DBX2: variants seen among roughly 807,000 people sequenced by gnomAD.
DBX2 encodes the protein developing brain homeobox 2, also known as homeobox protein DBX2.
Under a neutral mutation model 17.7 loss-of-function variants are expected in DBX2, and 16 were observed. The observed-to-expected ratio is 0.90, with a 90% confidence interval of 0.61 to 1.37. The LOEUF is 1.37. Ranked by LOEUF, DBX2 falls within the 40% of genes most tolerant of loss-of-function variation. The pLI, the probability that DBX2 is intolerant of heterozygous loss-of-function variation, is 0.00. For synonymous variants in DBX2, 255 were observed against 183.8 expected, an observed-to-expected ratio of 1.39 and a Z score of -3.13; for missense variants, 538 against 433.8, an observed-to-expected ratio of 1.24 and a Z score of -2.13.
At chr12:45,036,158 G>C (rs762237857) in intron 1 of DBX2, 44 bp from the exon 2 acceptor site, 1 of 1,506,482 alleles carries the variant, frequency 6.6e-7, no homozygotes. Context: ...ATTTCTTTAA[G>C]ACAATATTCA....
At chr12:45,037,160 C>T (rs980770165) in intron 1 of DBX2, among the ~76,000 whole-genome samples, 7 of 152,144 alleles carry the variant, frequency 4.6e-5, no homozygotes, top group Admixed American at 1.3e-4. Flanking sequence ...TAGATGAGAA[C>T]AGCTATAAAG....
At chr12:45,037,239 T>C (rs931629058) in intron 1 of DBX2, among the ~76,000 whole-genome samples, 4 of 152,196 alleles carry the variant, frequency 2.6e-5, no homozygotes, top group Non-Finnish European at 4.4e-5. Flanking sequence ...TTAAGTGCCT[T>C]AGACACACCA....
chr12:45,023,596 GC>G, intron 3 of DBX2, 110 bp downstream of exon 3: 1 of 1,238,944 alleles, frequency 8.1e-7, no homozygotes. Context: ...TCCATTGTGT[GC>G]CTTAAGAAAT....
chr12:45,022,208 G>T (rs990726083), intron 3 of DBX2, among the ~76,000 whole-genome samples: 1 of 151,688 alleles, frequency 6.6e-6, no homozygotes, highest in Non-Finnish European at 1.5e-5. Flanking sequence ...ACCACACCTC[G>T]TGCGGCTTCC....
At chr12:45,022,328 G>C (rs2408140) in intron 3 of DBX2, among the ~76,000 whole-genome samples, 46,510 of 119,864 alleles carry the variant, frequency 0.39, 9,916 homozygotes, top group South Asian at 0.66. Flanking sequence ...TTTTGAGATG[G>C]AGTCTTGCAC....
intron 1 of DBX2, among the ~76,000 whole-genome samples, chr12:45,049,317 C>G (rs932333669): frequency 6.6e-6 from 1 of 152,116 alleles, no homozygotes; most frequent in Non-Finnish European, 1.5e-5. Flanking sequence ...CCTAATTTTT[C>G]TAATACTTCA....
chr12:45,050,784 G>A lies in DBX2; in HGVS notation c.144C>T (p.Gly48=). 2 of 1,519,750 alleles carry A rather than the reference G, an allele frequency of 1.3e-6. No homozygotes were observed. Among genetic ancestry groups the A allele is most frequent in the Admixed American group, 2.2e-5 (1 of 46,292 alleles). The allele number at this position is 1,519,750 out of a possible 1,614,324, so 94.1% of individuals were successfully genotyped here. ...FLIENLLRVG[G]APTPRLQPPA... ...GCGGCTGCAGCCTGGGCGTTGGGGC[G>A]CCCCCGACCCGCAGCAAATTCTCGA... The change falls in exon 1 of 4, where the codon GGC becomes GGT. Residue 48 remains glycine (G), a synonymous_variant. Transcript: ENST00000332700.
At chr12:45,021,695 CAG>C (rs1389258794) in intron 3 of DBX2, among the ~76,000 whole-genome samples, 1 of 152,190 alleles carries the variant, frequency 6.6e-6, no homozygotes, top group African/African-American at 2.4e-5. Flanking sequence ...CCTCTGAGAT[CAG>C]AGAGTTCCAC....
intron 2 of DBX2, among the ~76,000 whole-genome samples, chr12:45,031,225 T>TGTGTGTGTGTGTGTGAGA (rs1377897653): frequency 9.6e-4 from 82 of 85,640 alleles, no homozygotes; most frequent in Middle Eastern, 7.6e-3. Context: ...TGTGTGTGTG[T>TGTGTGTGTGTGTGTGAGA]GAGAGAGAGA....
chr12:45,038,892 A>C (rs889835283), intron 1 of DBX2, among the ~76,000 whole-genome samples: 5 of 152,148 alleles, frequency 3.3e-5, no homozygotes, highest in African/African-American at 1.2e-4. Flanking sequence ...AATCAAAATG[A>C]CAGTATCAAA....
intron 2 of DBX2, among the ~76,000 whole-genome samples, chr12:45,034,367 T>A (rs1481756755): frequency 6.6e-6 from 1 of 152,180 alleles, no homozygotes; most frequent in Non-Finnish European, 1.5e-5. Context: ...GGGTTTTAGG[T>A]CTCTACTCCA....
Position 45,044,113 on chromosome 12 carries a change from A to G in DBX2, c.403+6412T>C, listed in dbSNP as rs566094201. Reference sequence around the variant, plus strand: ...TATTATAAAAAGCAAGATAGTAAATACTTTATGCTTTGTGAGCTACACAGT... The same window carrying G: ...TATTATAAAAAGCAAGATAGTAAATGCTTTATGCTTTGTGAGCTACACAGT... On this transcript the variant is annotated intron_variant, in intron 1 of 3. Coordinates refer to ENST00000332700, the MANE Select transcript of DBX2 (RefSeq NM_001004329.3). Among the ~76,000 whole-genome samples the G allele has an allele frequency of 1.2e-4, 19 of 152,330 alleles. No individual in the cohort carries two copies. In the South Asian group the frequency reaches 3.7e-3, roughly 30 times the overall value.
chr12:45,035,066 G>A (rs935053951), intron 2 of DBX2, among the ~76,000 whole-genome samples: 4 of 152,224 alleles, frequency 2.6e-5, no homozygotes, highest in Non-Finnish European at 4.4e-5. Flanking sequence ...TCATTAAACG[G>A]CCAGCATTTG....
chr12:45,049,143 C>T (rs1180477617), intron 1 of DBX2, among the ~76,000 whole-genome samples: 1 of 152,006 alleles, frequency 6.6e-6, no homozygotes, highest in Non-Finnish European at 1.5e-5. Flanking sequence ...CTTTTCATGG[C>T]GGAGACAATT....
chr12:45,019,498 T>A (rs1205872072), intron 3 of DBX2, among the ~76,000 whole-genome samples: 1 of 152,098 alleles, frequency 6.6e-6, no homozygotes, highest in Non-Finnish European at 1.5e-5. Flanking sequence ...TTAGTAAGAG[T>A]GAAATTTTCA....
intron 1 of DBX2, among the ~76,000 whole-genome samples, chr12:45,048,482 G>A (rs1946511989): frequency 6.6e-6 from 1 of 152,088 alleles, no homozygotes; most frequent in Non-Finnish European, 1.5e-5. Flanking sequence ...ATTTCCACCT[G>A]ATAGAAAAAA....
chr12:45,027,898 GA>G (rs1326592612), intron 2 of DBX2, among the ~76,000 whole-genome samples: 1 of 152,152 alleles, frequency 6.6e-6, no homozygotes, highest in African/African-American at 2.4e-5. Context: ...TAGTCGATAA[GA>G]AAAAGTCCAA....
At chr12:45,048,634 C>A (rs1217794743) in intron 1 of DBX2, among the ~76,000 whole-genome samples, 5 of 152,080 alleles carry the variant, frequency 3.3e-5, no homozygotes, top group Non-Finnish European at 5.9e-5. Context: ...AAAAATAAAT[C>A]AATATAAATT....
chr12:45,042,168 T>C (rs1946474994), intron 1 of DBX2, among the ~76,000 whole-genome samples: 2 of 152,274 alleles, frequency 1.3e-5, no homozygotes, highest in East Asian at 3.9e-4. Flanking sequence ...GAAAAGAACA[T>C]AAAACAACAC....
Sources: allele counts gnomAD v4.1 joint callset (sites outside exome capture counted in the v4.1 genomes callset), GRCh38; gene constraint gnomAD v4.1.1; transcripts MANE v1.5; gene names NCBI Gene and HGNC (gene_info 2026-07-23, HGNC 2026-07-21).